The following SOX6 variants were observed in gnomAD, a reference collection of about 807,000 sequenced individuals.
SOX6 encodes transcription factor SOX-6.
In SOX6, 11 loss-of-function variants were observed where a neutral mutation model predicts 97.8. The observed-to-expected ratio is 0.11, with a 90% confidence interval of 0.07 to 0.19. SOX6 has a LOEUF of 0.19. SOX6 is among the 10% of genes least tolerant of loss of function. The pLI is 1.00. For missense variants in SOX6, 810 were observed against 1,039.5 expected, an observed-to-expected ratio of 0.78 and a Z score of 3.04; for synonymous variants, 360 against 371.4, an observed-to-expected ratio of 0.97 and a Z score of 0.35.
intron 6 of SOX6, among the ~76,000 whole-genome samples, chr11:16,127,197 A>T (rs1849630046): frequency 6.6e-6 from 1 of 151,402 alleles, no homozygotes; most frequent in South Asian, 2.1e-4. Context: ...TTATAAAATA[A>T]ATATTAATGG....
At chr11:16,561,236 A>G (rs1326139268) in intron 4 of SOX6, among the ~76,000 whole-genome samples, 1 of 152,138 alleles carries the variant, frequency 6.6e-6, no homozygotes, top group Non-Finnish European at 1.5e-5. Context: ...TACTACAACT[A>G]AGTATTCCTA....
chr11:16,635,159 T>A (rs997550921), intron 3 of SOX6, among the ~76,000 whole-genome samples: 2 of 152,120 alleles, frequency 1.3e-5, no homozygotes, highest in Admixed American at 1.3e-4. Flanking sequence ...GTAAAGATAC[T>A]CAAAAACGTG....
chr11:16,567,261 C>T (rs2133196161), intron 4 of SOX6: 1 of 153,018 alleles, frequency 6.5e-6, no homozygotes, highest in South Asian at 2.1e-4. Context: ...CAAAGAGAGA[C>T]TTCTAAGACA....
At chr11:16,086,943 CAA>C (rs1848590949) in intron 9 of SOX6, among the ~76,000 whole-genome samples, 1 of 152,078 alleles carries the variant, frequency 6.6e-6, no homozygotes, top group Non-Finnish European at 1.5e-5. Flanking sequence ...AATATTATAA[CAA>C]GAGAAGAATA....
Position 16,069,191 on chromosome 11 carries a change from A to G in SOX6, c.1102-13290T>C, listed in dbSNP as rs566252767. Reference sequence around the variant, plus strand: ...CCAGAAAACAAAATGGTAGCAGAAGAAAGAATTGTGAACATCATATTCTAA... The same window carrying G: ...CCAGAAAACAAAATGGTAGCAGAAGGAAGAATTGTGAACATCATATTCTAA... On this transcript the variant is annotated intron_variant, in intron 9 of 15. Transcript: ENST00000683767. 3.3e-5 allele frequency among the ~76,000 whole-genome samples: 5 copies of G among 152,304 alleles called. No homozygotes were observed. In the East Asian group the frequency reaches 9.7e-4, roughly 29 times the overall value.
chr11:16,046,350 T>C (rs941889251), intron 12 of SOX6, among the ~76,000 whole-genome samples, 164 bp downstream of exon 12: 9 of 152,174 alleles, frequency 5.9e-5, no homozygotes, highest in African/African-American at 1.9e-4. Flanking sequence ...TCAACAATAA[T>C]GCTTACAGAT....
chr11:16,696,900 A>C (rs1177665491), intron 3 of SOX6, among the ~76,000 whole-genome samples: 1 of 152,220 alleles, frequency 6.6e-6, no homozygotes, highest in East Asian at 1.9e-4. Flanking sequence ...TTTTAACCAC[A>C]GAACTTCTTT....
chr11:16,061,555 T>C (rs547818078), intron 9 of SOX6, among the ~76,000 whole-genome samples: 1 of 151,862 alleles, frequency 6.6e-6, no homozygotes, highest in East Asian at 1.9e-4. Context: ...CTAAAATTCA[T>C]ATGCAACCAA....
At chr11:16,265,719 A>G (rs1201833954) in intron 3 of SOX6, among the ~76,000 whole-genome samples, 1 of 151,948 alleles carries the variant, frequency 6.6e-6, no homozygotes, top group African/African-American at 2.4e-5. Flanking sequence ...AGAAAGATGT[A>G]AAAGGTTAAA....
intron 4 of SOX6, among the ~76,000 whole-genome samples, chr11:16,200,559 A>G (rs1851907144): frequency 6.6e-6 from 1 of 152,166 alleles, no homozygotes; most frequent in South Asian, 2.1e-4. Context: ...AATATCTCTT[A>G]ATCTCTTTCT....
chr11:16,444,232 TAA>T, intron 1 of SOX6, among the ~76,000 whole-genome samples: 2 of 152,284 alleles, frequency 1.3e-5, no homozygotes, highest in Non-Finnish European at 2.9e-5. Context: ...ACGAATGTGT[TAA>T]AAAATGGTTT....
At position 16,318,501 on chromosome 11, in the gene SOX6, C is replaced by T. The variant is rs1855817763; in HGVS notation, c.390G>A (p.Val130=). 1 of 1,613,560 alleles carries T rather than the reference C, an allele frequency of 6.2e-7. No homozygotes were observed. Among genetic ancestry groups the T allele is most frequent in the Non-Finnish European group, 8.5e-7 (1 of 1,179,766 alleles). Residue 130 remains valine, a synonymous_variant, in exon 3 of 16, where the codon GTG becomes GTA. Transcript: ENST00000683767. ...PERRKGSLAD[V]VDTLKQKKLE... ...GCTTCTTCTGTTTCAGTGTGTCCAC[C>T]ACATCGGCAAGACTCCCTTTGCGGC...
chr11:16,509,103 A>T (rs10832627), intron 4 of SOX6, among the ~76,000 whole-genome samples: 6 of 151,786 alleles, frequency 4.0e-5, no homozygotes, highest in Non-Finnish European at 5.9e-5. Context: ...AATAAACAGG[A>T]GACCTGTTTT....
rs371248617 is a variant in SOX6, at chr11:16,009,269, G to A, written c.1732+5673C>T. On this transcript the variant is annotated intron_variant, in intron 13 of 15. Transcript: ENST00000683767. Reference sequence around the variant, plus strand: ...TTATTATACTCTAGTTGCCTTGAAGGTGAATGGTTTCAATTATATAGCAGT... The same window carrying A: ...TTATTATACTCTAGTTGCCTTGAAGATGAATGGTTTCAATTATATAGCAGT... 1.2e-4 allele frequency among the ~76,000 whole-genome samples: 19 copies of A among 152,030 alleles called. 2 individuals carry two copies. The East Asian group carries it at 1.9e-3, about 16-fold the overall frequency.
intron 3 of SOX6, among the ~76,000 whole-genome samples, chr11:16,658,558 A>G (rs920540091): frequency 5.9e-5 from 9 of 152,134 alleles, no homozygotes; most frequent in African/African-American, 2.2e-4. Context: ...AATACAAAAA[A>G]TTAGCCAGGC....
rs73423280 is a variant in SOX6, at chr11:16,307,694, C to G, written c.445+10752G>C. Among the ~76,000 whole-genome samples the G allele has an allele frequency of 2.7e-3, 405 of 152,278 alleles. 1 individual carries two copies. The highest frequency in any genetic ancestry group is 9.3e-3 in the African/African-American group (388 of 41,562). ...AAAACTGCCCTTTGACTATAGGTTA[C>G]TGTCATTCAAAAAGTATATATATTA... On this transcript the variant is annotated intron_variant, in intron 3 of 15. Coordinates refer to ENST00000683767, the MANE Select transcript of SOX6 (RefSeq NM_001367873.1).
intron 4 of SOX6, among the ~76,000 whole-genome samples, chr11:16,497,781 C>G (rs369186305): frequency 2.0e-5 from 3 of 152,042 alleles, no homozygotes; most frequent in East Asian, 1.9e-4. Flanking sequence ...AGAATAAAAA[C>G]AAATGAACAA....
intron 7 of SOX6, among the ~76,000 whole-genome samples, chr11:16,108,046 G>A (rs114725401): frequency 1.9e-3 from 291 of 152,188 alleles, no homozygotes; most frequent in African/African-American, 6.8e-3. Context: ...TCACGTCCAC[G>A]TTGGGTAGTG....
chr11:16,484,140 C>T (rs1860392485), intron 4 of SOX6: 2 of 776,112 alleles, frequency 2.6e-6, no homozygotes, highest in Non-Finnish European at 4.8e-6. Context: ...GCAGGCTTAT[C>T]CTTTAAGCCA....
Sources: allele counts gnomAD v4.1 joint callset (sites outside exome capture counted in the v4.1 genomes callset), GRCh38; gene constraint gnomAD v4.1.1; transcripts MANE v1.5; gene names NCBI Gene and HGNC (gene_info 2026-07-23, HGNC 2026-07-21).